The following ARPC3 variants were observed in gnomAD, a reference collection of about 807,000 sequenced individuals.
ARPC3 encodes the protein actin related protein 2/3 complex subunit 3, also known as actin-related protein 2/3 complex subunit 3.
Under a neutral mutation model 27.6 loss-of-function variants are expected in ARPC3, and 12 were observed. The ratio of observed to expected loss-of-function variants is 0.43; its 90% CI spans 0.28 to 0.70. The LOEUF (loss-of-function observed/expected upper bound fraction) is 0.70, where lower values mean the gene tolerates loss of function less well. ARPC3 is among the 30% of genes least tolerant of loss of function. ARPC3 has a pLI of 0.17. For missense variants in ARPC3, 153 were observed against 207.7 expected (o/e 0.74, Z 1.62); for synonymous variants, 53 against 67.2 (o/e 0.79, Z 1.03).
chr12:110,449,391 G>A (rs1399823163), intron 1 of ARPC3, among the ~76,000 whole-genome samples: 8 of 151,748 alleles, frequency 5.3e-5, no homozygotes, highest in African/African-American at 1.9e-4. Context: ...GTGAAACCCC[G>A]TCTCTACTAA....
Position 110,435,217 on chromosome 12 carries a change from A to G in ARPC3, c.475T>C (p.Trp159Arg), listed in dbSNP as rs200949097. 1 of 1,612,766 alleles carries G rather than the reference A, an allele frequency of 6.2e-7. No homozygotes were observed. The highest frequency in any genetic ancestry group is 8.5e-7 in the Non-Finnish European group (1 of 1,178,746). ...TGTCTCTTCACAAAGCAAGTCCACC[A>G]CTAACAAGAGAGAACAACACAGAAT... The part of the protein sequence containing the change: ...FDPQNDKPSK[W>R]WTCFVKRQFM... The change falls in exon 7 of 7, where the codon TGG becomes CGG. Residue 159 changes from tryptophan (W) to arginine (R), a missense_variant and splice_region_variant. Trp to Arg is a moderately radical substitution (Grantham distance 101). Transcript: ENST00000228825.
At chr12:110,446,486 G>A (rs1174247411) in intron 1 of ARPC3, among the ~76,000 whole-genome samples, 1 of 148,334 alleles carries the variant, frequency 6.7e-6, no homozygotes, top group African/African-American at 2.5e-5. Flanking sequence ...TGGTAGAGAC[G>A]ATGTTTCTCC....
chr12:110,450,276 G>A lies in ARPC3; in HGVS notation c.-16C>T. Reference sequence around the variant, plus strand: ...TCACCGGCATCTTGGCGGCGCCCGGGTTTCAACCCAGAGGAGCAGGATCCA... The same window carrying A: ...TCACCGGCATCTTGGCGGCGCCCGGATTTCAACCCAGAGGAGCAGGATCCA... On this transcript the variant is annotated 5_prime_UTR_variant, in exon 1 of 7. Coordinates refer to ENST00000228825, the MANE Select transcript of ARPC3 (RefSeq NM_001278556.2). 1 of 1,614,036 alleles carries A rather than the reference G, an allele frequency of 6.2e-7. No individual in the cohort carries two copies. Among genetic ancestry groups the A allele is most frequent in the Non-Finnish European group, 8.5e-7 (1 of 1,179,960 alleles).
At chr12:110,444,482 G>A (rs964250128) in intron 2 of ARPC3, among the ~76,000 whole-genome samples, 3 of 151,584 alleles carry the variant, frequency 2.0e-5, no homozygotes, top group African/African-American at 7.3e-5. Context: ...TTGGGGTTTC[G>A]CCATGTTTGC....
rs754642678 is a variant in ARPC3, at chr12:110,436,119, T to A, written c.465A>T (p.Lys155Asn). The A allele has an allele frequency of 2.0e-5, 33 of 1,612,500 alleles. No homozygotes were observed. Among genetic ancestry groups the A allele is most frequent in the Non-Finnish European group, 2.6e-5 (31 of 1,179,072 alleles). ...CEKVFDPQND[K>N]PSKWWTCFVK... The stretch of plus-strand genomic sequence containing the variant: ...AAGAAGAGGGTCTTACCTTGCTGGG[T>A]TTATCATTCTGAGGGTCGAAAACTT... The change falls in exon 6 of 7, where the codon AAA (lysine) becomes AAT (asparagine). Residue 155 changes from lysine (K) to asparagine (N), a missense_variant. Lys to Asn is a moderately conservative substitution (Grantham distance 94, BLOSUM62 0). Coordinates refer to ENST00000228825, the MANE Select transcript of ARPC3 (RefSeq NM_001278556.2).
chr12:110,445,418 T>C lies in ARPC3; in HGVS notation c.106+34A>G, dbSNP rs367711876. On this transcript the variant is annotated intron_variant, in intron 2 of 6. Transcript: ENST00000228825. ...TTTCAGAAGATTGTTAGGCATTTCGTACCAAAATTTGAAAATAATGGGTTT... is the reference window on the plus strand; with the variant it reads ...TTTCAGAAGATTGTTAGGCATTTCGCACCAAAATTTGAAAATAATGGGTTT... The C allele has an allele frequency of 6.9e-5, 103 of 1,488,680 alleles. No individual in the cohort carries two copies. The African/African-American group carries it at 1.3e-3, about 19-fold the overall frequency. 92.2% of individuals were successfully genotyped at this position (1,488,680 alleles called of 1,614,324 possible).
chr12:110,445,365 T>C lies in ARPC3; in HGVS notation c.106+87A>G, dbSNP rs1319508186. On this transcript the variant is annotated intron_variant, in intron 2 of 6. Transcript: ENST00000228825. ...ACAAGGGCAATTTGAGAGAGAAGAC[T>C]GAGCTAAGAATTTTTCTGATTTGAT... is the stretch of plus-strand genomic sequence containing the variant. 5 of 1,064,136 alleles carry C rather than the reference T, an allele frequency of 4.7e-6. No homozygotes were observed. In the African/African-American group the frequency reaches 6.2e-5, roughly 13 times the overall value. 65.9% of individuals were successfully genotyped at this position (1,064,136 alleles called of 1,614,324 possible). A position where few individuals can be genotyped will look rare whatever the true frequency, so the allele number is the denominator to read the frequency against.
At chr12:110,444,970 C>A in intron 2 of ARPC3, 1 of 172,112 alleles carries the variant, frequency 5.8e-6, no homozygotes, top group Admixed American at 5.7e-5. Flanking sequence ...AAATAAAATT[C>A]AGAAAAGCGG....
chr12:110,436,518 T>G, intron 5 of ARPC3, 39 bp downstream of exon 5: 3 of 1,613,228 alleles, frequency 1.9e-6, no homozygotes, highest in Non-Finnish European at 2.5e-6. Flanking sequence ...GGAGAAAATC[T>G]TCTTGTGTCA....
At chr12:110,435,532 A>G (rs544031847) in intron 6 of ARPC3, among the ~76,000 whole-genome samples, 74 of 152,168 alleles carry the variant, frequency 4.9e-4, no homozygotes, top group Admixed American at 2.0e-3. Context: ...GGGTTTCACC[A>G]TGTTAGCCAG....
intron 2 of ARPC3, among the ~76,000 whole-genome samples, chr12:110,440,908 T>A (rs557702580): frequency 6.7e-6 from 1 of 148,192 alleles, no homozygotes; most frequent in African/African-American, 2.5e-5. Flanking sequence ...AGTGGCGCGA[T>A]CTTGGCTCAC....
intron 1 of ARPC3, among the ~76,000 whole-genome samples, chr12:110,447,698 A>G (rs2062472816): frequency 6.6e-6 from 1 of 151,998 alleles, no homozygotes; most frequent in Non-Finnish European, 1.5e-5. Context: ...GCTTGAACCC[A>G]GGAGGCAGAG....
At chr12:110,440,554 G>GT (rs1331232840) in intron 2 of ARPC3, 166 bp from the exon 3 acceptor site, 11,645 of 501,678 alleles carry the variant, frequency 0.023, no homozygotes, top group East Asian at 0.028. Context: ...ATATTTATTT[G>GT]TTTTTTTTTT....
chr12:110,439,570 C>T (rs145542369), intron 3 of ARPC3, among the ~76,000 whole-genome samples: 103 of 152,214 alleles, frequency 6.8e-4, no homozygotes, highest in African/African-American at 2.3e-3. Context: ...CGGTGGCTCA[C>T]GCCTGTAATC....
At chr12:110,444,686 C>A (rs1164717973) in intron 2 of ARPC3, among the ~76,000 whole-genome samples, 3 of 152,098 alleles carry the variant, frequency 2.0e-5, no homozygotes, top group East Asian at 3.9e-4. Context: ...TCACCATATG[C>A]ATTAAGTTTA....
chr12:110,439,853 G>A (rs1254412696), intron 3 of ARPC3, among the ~76,000 whole-genome samples: 3 of 152,096 alleles, frequency 2.0e-5, no homozygotes, highest in Admixed American at 6.6e-5. Flanking sequence ...CAAAAGGCTG[G>A]CACATAGTAG....
chr12:110,434,866 G>T lies in ARPC3; in HGVS notation c.*289C>A. The stretch of plus-strand genomic sequence containing the variant: ...TTTTATCTCAAAACAAATTGTAAGT[G>T]AATGTCAAAGACTGGCAATAAAGTT... On this transcript the variant is annotated 3_prime_UTR_variant, in exon 7 of 7. Transcript: ENST00000228825. 1 of 575,506 alleles carries T rather than the reference G, an allele frequency of 1.7e-6. No individual in the cohort carries two copies. Among genetic ancestry groups the T allele is most frequent in the Non-Finnish European group, 3.2e-6 (1 of 314,188 alleles). 35.6% of individuals were successfully genotyped at this position (575,506 alleles called of 1,614,324 possible). A position where few individuals can be genotyped will look rare whatever the true frequency, so the allele number is the denominator to read the frequency against.
At chr12:110,443,017 T>C (rs560797583) in intron 2 of ARPC3, 13 of 152,336 alleles carry the variant, frequency 8.5e-5, no homozygotes, top group Non-Finnish European at 1.5e-5. Flanking sequence ...CAAAGTAATC[T>C]TGAAGCTTTC....
At position 110,445,562 on chromosome 12, in the gene ARPC3, AAGCCC is replaced by A. The variant is rs746999952; in HGVS notation, c.7-16_7-12del. 1 of 1,569,006 alleles carries A rather than the reference AAGCCC, an allele frequency of 6.4e-7. No individual in the cohort carries two copies. The highest frequency in any genetic ancestry group is 8.8e-7 in the Non-Finnish European group (1 of 1,138,944). On this transcript the variant is annotated splice_polypyrimidine_tract_variant and intron_variant, in intron 1 of 6. Coordinates refer to ENST00000228825, the MANE Select transcript of ARPC3 (RefSeq NM_001278556.2). ...AGAAGAGTGGTAAGCCTGTAATGGCAAGCCCAGGAAGAACACAGAAGCAGAAAAAG... is the reference window on the plus strand; with the variant it reads ...AGAAGAGTGGTAAGCCTGTAATGGCAAGGAAGAACACAGAAGCAGAAAAAG...
Sources: allele counts gnomAD v4.1 joint callset (sites outside exome capture counted in the v4.1 genomes callset), GRCh38; gene constraint gnomAD v4.1.1; transcripts MANE v1.5; gene names NCBI Gene and HGNC (gene_info 2026-07-23, HGNC 2026-07-21).